The following RYR3 variants were observed in gnomAD, a reference collection of about 807,000 sequenced individuals.
The protein encoded by RYR3 is ryanodine receptor 3, also known as brain ryanodine receptor-calcium release channel.
In RYR3, 207 loss-of-function variants were observed where a neutral mutation model predicts 584.3. The observed-to-expected ratio is 0.35, with a 90% CI of 0.32 to 0.40. The LOEUF (loss-of-function observed/expected upper bound fraction) is 0.40, where lower values mean the gene tolerates loss of function less well. Ranked by LOEUF, RYR3 falls within the 10% of genes least tolerant of loss-of-function variation. The probability of loss-of-function intolerance (pLI) is 1.00; values close to 1 mark genes in which losing one functional copy is unlikely to be tolerated. For missense variants in RYR3, 5,616 were observed against 6,089.2 expected, an observed-to-expected ratio of 0.92 and a Z score of 2.59; for synonymous variants, 2,416 against 2,248.5, an observed-to-expected ratio of 1.07 and a Z score of -2.11.
intron 38 of RYR3, among the ~76,000 whole-genome samples, chr15:33,674,517 G>A (rs550631994): frequency 2.6e-5 from 4 of 152,220 alleles, no homozygotes; most frequent in East Asian, 3.9e-4. Flanking sequence ...GGAACATGTC[G>A]TACTTGTTTC....
At chr15:33,670,971 A>C (rs771876720) in intron 38 of RYR3, among the ~76,000 whole-genome samples, 2 of 152,104 alleles carry the variant, frequency 1.3e-5, no homozygotes, top group Non-Finnish European at 2.9e-5. Context: ...ATAATAATAA[A>C]AGAGAGTTTG....
chr15:33,437,319 A>G (rs1192203925), intron 1 of RYR3, among the ~76,000 whole-genome samples: 1 of 152,162 alleles, frequency 6.6e-6, no homozygotes, highest in Non-Finnish European at 1.5e-5. Context: ...ACATTACATC[A>G]TTGCCATCCT....
At chr15:33,436,993 A>G (rs2045782359) in intron 1 of RYR3, among the ~76,000 whole-genome samples, 2 of 152,152 alleles carry the variant, frequency 1.3e-5, no homozygotes, top group Non-Finnish European at 1.5e-5. Flanking sequence ...GTGGGGATTC[A>G]GTTTTATTGT....
At chr15:33,385,393 C>G (rs2041517119) in intron 1 of RYR3, among the ~76,000 whole-genome samples, 1 of 152,142 alleles carries the variant, frequency 6.6e-6, no homozygotes, top group Non-Finnish European at 1.5e-5. Flanking sequence ...CAGGATACTT[C>G]AGTTCGACTG....
chr15:33,406,816 G>A (rs564868905), intron 1 of RYR3, among the ~76,000 whole-genome samples: 5 of 152,278 alleles, frequency 3.3e-5, no homozygotes, highest in Admixed American at 6.5e-5. Context: ...TCCTAGTCTA[G>A]ATTCTGAGGA....
chr15:33,664,572 T>G (rs1199577711), intron 36 of RYR3, among the ~76,000 whole-genome samples: 1 of 100,270 alleles, frequency 1.0e-5, no homozygotes, highest in Non-Finnish European at 2.1e-5. Flanking sequence ...TATATATAGA[T>G]ATATGTGTGT....
At chr15:33,797,836 T>C (rs1001440745) in intron 67 of RYR3, among the ~76,000 whole-genome samples, 33 of 152,302 alleles carry the variant, frequency 2.2e-4, no homozygotes, top group Admixed American at 8.5e-4. Flanking sequence ...CACTAAGGAA[T>C]GAACAGCTGG....
chr15:33,724,307 A>T (rs2068182975), intron 45 of RYR3, 131 bp downstream of exon 45: 1 of 611,672 alleles, frequency 1.6e-6, no homozygotes. Flanking sequence ...CCTTTTAGCT[A>T]GTTTCAAAAG....
intron 1 of RYR3, among the ~76,000 whole-genome samples, chr15:33,453,224 A>T (rs2047274454): frequency 1.3e-5 from 2 of 152,184 alleles, no homozygotes; most frequent in African/African-American, 4.8e-5. Flanking sequence ...GTGCTATATT[A>T]AAGTAAGATT....
chr15:33,753,562 T>C (rs1207245426), intron 57 of RYR3, among the ~76,000 whole-genome samples: 1 of 152,226 alleles, frequency 6.6e-6, no homozygotes, highest in Non-Finnish European at 1.5e-5. Flanking sequence ...TATTCCGATA[T>C]AGCCATTCTT....
chr15:33,748,388 T>C, intron 54 of RYR3, 80 bp from the exon 55 acceptor site: 1 of 1,544,160 alleles, frequency 6.5e-7, no homozygotes, highest in Non-Finnish European at 8.9e-7. Context: ...AGGACACATT[T>C]TTGACAGCTG....
intron 1 of RYR3, among the ~76,000 whole-genome samples, chr15:33,419,506 T>C (rs77951975): frequency 0.01 from 1,569 of 152,232 alleles, 34 homozygotes; most frequent in African/African-American, 0.036. Flanking sequence ...CCATCTATCA[T>C]TCATTTATTT....
intron 52 of RYR3, among the ~76,000 whole-genome samples, chr15:33,745,474 T>C (rs2152841622): frequency 6.6e-6 from 1 of 152,246 alleles, no homozygotes; most frequent in South Asian, 2.1e-4. Context: ...GCCAGGAGTC[T>C]TGGGGATGTG....
At position 33,769,243 on chromosome 15, in the gene RYR3, A is replaced by T. The variant is rs144390931; in HGVS notation, c.8816+71A>T. 132 of 1,124,504 alleles carry T rather than the reference A, an allele frequency of 1.2e-4. No homozygotes were observed. The Middle Eastern group carries it at 1.9e-3, about 17-fold the overall frequency. The allele number at this position is 1,124,504 out of a possible 1,614,324, so 69.7% of individuals were successfully genotyped here. On this transcript the variant is annotated intron_variant, in intron 62 of 103. Coordinates refer to ENST00000634891, the MANE Select transcript of RYR3 (RefSeq NM_001036.6). ...CTGACCCTCTCATCTCACTAATTAT[A>T]CTGAAGAGAAGACAGATCGCTGCTG...
rs771500613 is a variant in RYR3, at chr15:33,859,637, A to G, written c.14205A>G (p.Glu4735=). 6.2e-7 allele frequency: 1 copy of G among 1,613,996 alleles called. No individual in the cohort carries two copies. The highest frequency in any genetic ancestry group is 1.1e-5 in the South Asian group (1 of 91,080). Residue 4735 remains glutamate (E), a synonymous_variant, in exon 100 of 104, where the codon GAA becomes GAG. Coordinates refer to ENST00000634891, the MANE Select transcript of RYR3 (RefSeq NM_001036.6). The part of the protein sequence containing the change: ...RAGGGIGDEI[E]DPAGDPYEMY... The stretch of plus-strand genomic sequence containing the variant: ...GAGGTGGCATTGGTGATGAAATTGA[A>G]GACCCTGCTGGTGATCCTTATGAAA...
Position 33,722,872 on chromosome 15 carries a change from C to T in RYR3, c.6777C>T (p.Pro2259=), listed in dbSNP as rs780010155. 4 of 1,588,072 alleles carry T rather than the reference C, an allele frequency of 2.5e-6. No individual in the cohort carries two copies. The highest frequency in any genetic ancestry group is 1.1e-5 in the South Asian group (1 of 88,162). Residue 2259 remains proline, a synonymous_variant, in exon 44 of 104, where the codon CCC becomes CCT. Transcript: ENST00000634891. ...CTGAGAACCCAGCGCTCGACCTCCCCTCTCAAGGATACAAAAGAGAAGTGT... is the reference window on the plus strand; with the variant it reads ...CTGAGAACCCAGCGCTCGACCTCCCTTCTCAAGGATACAAAAGAGAAGTGT... The part of the protein sequence containing the change: ...KISENPALDL[P]SQGYKREVST...
intron 1 of RYR3, among the ~76,000 whole-genome samples, chr15:33,378,417 A>G (rs2040910668): frequency 6.6e-6 from 1 of 152,214 alleles, no homozygotes; most frequent in Non-Finnish European, 1.5e-5. Context: ...CACAGCAGAA[A>G]CTTAAAAGGG....
chr15:33,754,527 C>T (rs569924305), intron 57 of RYR3, among the ~76,000 whole-genome samples: 5 of 152,190 alleles, frequency 3.3e-5, no homozygotes, highest in Non-Finnish European at 7.3e-5. Context: ...TCCTCATCTC[C>T]TTCAAGCCTT....
rs1261348567 is a variant in RYR3 at position 33,471,094 on chromosome 15, A to G, written c.52-2325A>G. ...CAGTGCAAAGATTTCAGTGTCAGGCACTCAAAAGCTCCAGATGTCTGTCTA... is the reference window on the plus strand; with the variant it reads ...CAGTGCAAAGATTTCAGTGTCAGGCGCTCAAAAGCTCCAGATGTCTGTCTA... On this transcript the variant is annotated intron_variant, in intron 1 of 103. Transcript: ENST00000634891. Among the ~76,000 whole-genome samples, 3 of 152,332 alleles carry G rather than the reference A, an allele frequency of 2.0e-5. No individual in the cohort carries two copies. In the East Asian group the frequency reaches 5.8e-4, roughly 29 times the overall value.
Sources: allele counts gnomAD v4.1 joint callset (sites outside exome capture counted in the v4.1 genomes callset), GRCh38; gene constraint gnomAD v4.1.1; transcripts MANE v1.5; gene names NCBI Gene and HGNC (gene_info 2026-07-23, HGNC 2026-07-21).